Variants in TMTC2 observed in about 807,000 individuals in gnomAD.
TMTC2 encodes the protein transmembrane O-mannosyltransferase targeting cadherins 2.
Under a neutral mutation model 82.4 loss-of-function variants are expected in TMTC2, and 43 were observed. That is an observed-to-expected ratio of 0.52 (90% confidence interval 0.41 to 0.67). The LOEUF (loss-of-function observed/expected upper bound fraction) is 0.67. Ranked by LOEUF, TMTC2 falls within the 30% of genes least tolerant of loss-of-function variation. The pLI, the probability that TMTC2 is intolerant of heterozygous loss-of-function variation, is 0.00. For missense variants in TMTC2, 919 were observed against 1,012.4 expected, an observed-to-expected ratio of 0.91 and a Z score of 1.25; for synonymous variants, 408 against 381.9, an observed-to-expected ratio of 1.07 and a Z score of -0.80.
chr12:82,730,612 A>G (rs1296664656), intron 1 of TMTC2, among the ~76,000 whole-genome samples: 1 of 152,196 alleles, frequency 6.6e-6, no homozygotes, highest in Non-Finnish European at 1.5e-5. Context: ...TGTTTTGTAC[A>G]GTTGTGTATC....
intron 9 of TMTC2, among the ~76,000 whole-genome samples, chr12:83,033,441 A>G (rs1312806685): frequency 6.6e-6 from 1 of 152,178 alleles, no homozygotes; most frequent in Non-Finnish European, 1.5e-5. Flanking sequence ...GATTACTGTC[A>G]TGCTTTTTCT....
chr12:82,748,045 T>C (rs1190541298), intron 1 of TMTC2, among the ~76,000 whole-genome samples: 1 of 152,226 alleles, frequency 6.6e-6, no homozygotes, highest in Non-Finnish European at 1.5e-5. Context: ...ACGCGGTGGC[T>C]CACGCCTGTG....
At chr12:82,867,117 G>C (rs980874886) in intron 2 of TMTC2, among the ~76,000 whole-genome samples, 8 of 152,160 alleles carry the variant, frequency 5.3e-5, no homozygotes, top group African/African-American at 1.4e-4. Context: ...CTCTGGGTTT[G>C]TCTTTACAAT....
At chr12:83,024,880 A>G (rs1881092600) in intron 8 of TMTC2, among the ~76,000 whole-genome samples, 1 of 152,212 alleles carries the variant, frequency 6.6e-6, no homozygotes, top group Non-Finnish European at 1.5e-5. Context: ...AGTAGTAACT[A>G]TAAACTATTA....
chr12:83,039,484 AT>A (rs1881807407), intron 9 of TMTC2, among the ~76,000 whole-genome samples: 2 of 151,970 alleles, frequency 1.3e-5, no homozygotes, highest in African/African-American at 4.8e-5. Context: ...TATTTGATGA[AT>A]TCATAATATA....
At chr12:82,966,096 GAC>G (rs1336198628) in intron 6 of TMTC2, 1 of 257,646 alleles carries the variant, frequency 3.9e-6, no homozygotes, top group Non-Finnish European at 7.5e-6. Flanking sequence ...GATGACCCAA[GAC>G]ACAGTTTCTA....
rs192682225 is a variant in TMTC2 at position 82,842,118 on chromosome 12, G to A, written c.84-14892G>A. Among the ~76,000 whole-genome samples, 5 of 152,312 alleles carry A rather than the reference G, an allele frequency of 3.3e-5. No homozygotes were observed. The East Asian group carries it at 9.6e-4, about 29-fold the overall frequency. On this transcript the variant is annotated intron_variant, in intron 1 of 11. Transcript: ENST00000321196. ...CTTTGAAGGTTAAATGGAGTAGTTT[G>A]GAGAACGGTGTTCAAGTCCTTTCTG...
chr12:82,949,939 G>C (rs543142245), intron 4 of TMTC2, among the ~76,000 whole-genome samples: 13 of 152,296 alleles, frequency 8.5e-5, no homozygotes, highest in African/African-American at 2.2e-4. Context: ...TTGGGAGGCT[G>C]CAGTTTATCT....
At chr12:82,806,814 G>A (rs1028744737) in intron 1 of TMTC2, among the ~76,000 whole-genome samples, 1 of 152,124 alleles carries the variant, frequency 6.6e-6, no homozygotes, top group African/African-American at 2.4e-5. Context: ...GAAGAGGGGG[G>A]TTGGTCTTGC....
At chr12:83,086,109 C>T (rs970856603) in intron 11 of TMTC2, among the ~76,000 whole-genome samples, 3 of 151,804 alleles carry the variant, frequency 2.0e-5, no homozygotes, top group Non-Finnish European at 2.9e-5. Context: ...GTTGAAAATG[C>T]CAACTTGGGG....
intron 2 of TMTC2, among the ~76,000 whole-genome samples, chr12:82,863,587 C>T (rs1185525435): frequency 6.6e-6 from 1 of 152,144 alleles, no homozygotes; most frequent in Non-Finnish European, 1.5e-5. Flanking sequence ...GGCTGGCTCC[C>T]TTGTTCAGCT....
chr12:83,032,366 A>G (rs1881476065), intron 9 of TMTC2, among the ~76,000 whole-genome samples: 2 of 148,504 alleles, frequency 1.3e-5, no homozygotes, highest in Admixed American at 1.4e-4. Flanking sequence ...TATTTTATTA[A>G]TTTTAAAAGT....
At chr12:82,876,570 AT>A (rs752516585) in intron 2 of TMTC2, among the ~76,000 whole-genome samples, 2 of 152,160 alleles carry the variant, frequency 1.3e-5, no homozygotes, top group Non-Finnish European at 2.9e-5. Context: ...TGAATTTGAC[AT>A]TTTCTCCCTG....
intron 1 of TMTC2, among the ~76,000 whole-genome samples, chr12:82,716,315 T>G (rs1220791806): frequency 1.3e-5 from 2 of 152,074 alleles, no homozygotes. Context: ...AGTGGACACT[T>G]GTTAAGAGTT....
At chr12:83,000,376 C>T (rs759786865) in intron 8 of TMTC2, among the ~76,000 whole-genome samples, 16 of 152,150 alleles carry the variant, frequency 1.1e-4, no homozygotes, top group African/African-American at 1.4e-4. Flanking sequence ...GCCCATGATC[C>T]GCCCTCCTCA....
intron 9 of TMTC2, among the ~76,000 whole-genome samples, chr12:83,043,104 G>C (rs1027659154): frequency 6.6e-6 from 1 of 152,210 alleles, no homozygotes; most frequent in Non-Finnish European, 1.5e-5. Context: ...AGAGAGATTA[G>C]TCTGAAAGAG....
At chr12:83,113,263 T>C (rs1884653694) in intron 11 of TMTC2, among the ~76,000 whole-genome samples, 1 of 152,174 alleles carries the variant, frequency 6.6e-6, no homozygotes, top group Admixed American at 6.5e-5. Context: ...CATTGGTAGA[T>C]TAGGTAAAAC....
At chr12:83,025,543 C>T (rs1257619741) in intron 8 of TMTC2, among the ~76,000 whole-genome samples, 1 of 152,096 alleles carries the variant, frequency 6.6e-6, no homozygotes, top group East Asian at 1.9e-4. Flanking sequence ...TACCACAAAC[C>T]AAGCCGTTGT....
At chr12:83,035,534 C>G (rs1005012571) in intron 9 of TMTC2, among the ~76,000 whole-genome samples, 4 of 152,080 alleles carry the variant, frequency 2.6e-5, no homozygotes, top group Admixed American at 1.3e-4. Flanking sequence ...GCTCTTTTAT[C>G]AAAATTTTAA....
Sources: gnomAD v4.1 joint callset for allele counts (sites outside exome capture counted in the v4.1 genomes callset) on GRCh38, gnomAD v4.1.1 for gene constraint, MANE v1.5 for transcripts, NCBI Gene and HGNC (gene_info 2026-07-23, HGNC 2026-07-21) for gene names.